SLC35F4: variants seen among roughly 807,000 people sequenced by gnomAD.
The protein encoded by SLC35F4 is chromosome 14 open reading frame 36.
In SLC35F4, 24 loss-of-function variants were observed where a neutral mutation model predicts 44.2. The ratio of observed to expected loss-of-function variants is 0.54; its 90% CI spans 0.39 to 0.76. The LOEUF is 0.76. SLC35F4 is among the 30% of genes least tolerant of loss of function. The pLI, the probability that SLC35F4 is intolerant of heterozygous loss-of-function variation, is 0.00. For missense variants in SLC35F4, 562 were observed against 586.1 expected, an observed-to-expected ratio of 0.96 and a Z score of 0.42; for synonymous variants, 238 against 223.6, an observed-to-expected ratio of 1.06 and a Z score of -0.57.
At chr14:57,756,170 T>C (rs1346747359) in intron 1 of SLC35F4, among the ~76,000 whole-genome samples, 1 of 152,250 alleles carries the variant, frequency 6.6e-6, no homozygotes, top group South Asian at 2.1e-4. Context: ...GAAGCTGAGA[T>C]CTTTGATTAA....
chr14:57,633,949 C>A (rs568252920), intron 1 of SLC35F4, among the ~76,000 whole-genome samples: 1 of 151,996 alleles, frequency 6.6e-6, no homozygotes, highest in African/African-American at 2.4e-5. Flanking sequence ...AAGGAGCCCA[C>A]ATATGAGAAT....
At chr14:57,576,468 A>G (rs2068796704) in intron 4 of SLC35F4, among the ~76,000 whole-genome samples, 1 of 152,200 alleles carries the variant, frequency 6.6e-6, no homozygotes, top group Non-Finnish European at 1.5e-5. Flanking sequence ...TTGACGAATG[A>G]GAAACATGCT....
intron 1 of SLC35F4, among the ~76,000 whole-genome samples, chr14:57,770,092 G>C (rs1288235484): frequency 6.6e-6 from 1 of 152,194 alleles, no homozygotes; most frequent in Admixed American, 6.5e-5. Context: ...TCTGTGTACA[G>C]TAGAGCAGGG....
At chr14:57,787,839 A>C (rs186496256) in intron 1 of SLC35F4, among the ~76,000 whole-genome samples, 1 of 152,320 alleles carries the variant, frequency 6.6e-6, no homozygotes, top group East Asian at 1.9e-4. Flanking sequence ...CTATAAAACA[A>C]AAATACAAGT....
chr14:57,908,011 C>G (rs1460326102), intron 1 of SLC35F4, among the ~76,000 whole-genome samples: 1 of 152,050 alleles, frequency 6.6e-6, no homozygotes, highest in Non-Finnish European at 1.5e-5. Flanking sequence ...TCTCATTGTT[C>G]AACTTCCACT....
At chr14:57,691,609 C>A (rs1475265810) in intron 1 of SLC35F4, among the ~76,000 whole-genome samples, 5 of 152,054 alleles carry the variant, frequency 3.3e-5, no homozygotes, top group African/African-American at 7.2e-5. Flanking sequence ...TATCTTGCAG[C>A]AAAATAATTT....
At chr14:57,696,758 G>A (rs2075394460) in intron 1 of SLC35F4, among the ~76,000 whole-genome samples, 1 of 152,182 alleles carries the variant, frequency 6.6e-6, no homozygotes, top group East Asian at 1.9e-4. Context: ...GAGTTCATGT[G>A]TCCTTTGCAG....
At chr14:57,955,303 A>T (rs1378064951) in intron 1 of SLC35F4, among the ~76,000 whole-genome samples, 1 of 152,170 alleles carries the variant, frequency 6.6e-6, no homozygotes, top group Non-Finnish European at 1.5e-5. Flanking sequence ...CAAAATAATA[A>T]CAGCTATTTA....
At chr14:57,972,304 C>T (rs915225598), downstream of SLC35F4, among the ~76,000 whole-genome samples, 1 of 151,954 alleles carries the variant, frequency 6.6e-6, no homozygotes, top group Non-Finnish European at 1.5e-5. Flanking sequence ...GCTCTGGAGG[C>T]TACATGGAAA....
At chr14:57,894,258 C>A (rs1234641382) in intron 1 of SLC35F4, among the ~76,000 whole-genome samples, 2 of 152,020 alleles carry the variant, frequency 1.3e-5, no homozygotes, top group Non-Finnish European at 2.9e-5. Flanking sequence ...AGCCTTGAGA[C>A]AATTCATGAC....
At chr14:57,673,408 C>A (rs544618834) in intron 1 of SLC35F4, among the ~76,000 whole-genome samples, 1 of 152,104 alleles carries the variant, frequency 6.6e-6, no homozygotes, top group Non-Finnish European at 1.5e-5. Context: ...AGTTACTTCA[C>A]CCCTGTGGGT....
At chr14:57,804,177 GA>G (rs1232015408) in intron 1 of SLC35F4, among the ~76,000 whole-genome samples, 1 of 152,126 alleles carries the variant, frequency 6.6e-6, no homozygotes, top group Non-Finnish European at 1.5e-5. Context: ...TCAATATCGT[GA>G]AAATGGCTAT....
chr14:57,679,957 T>C (rs1372013966), intron 1 of SLC35F4, among the ~76,000 whole-genome samples: 3 of 152,054 alleles, frequency 2.0e-5, no homozygotes, highest in Non-Finnish European at 4.4e-5. Flanking sequence ...AAAGAGGAGC[T>C]GGTACCATTC....
chr14:57,853,394 ATAGC>A (rs1886765545), intron 1 of SLC35F4, among the ~76,000 whole-genome samples: 2 of 152,206 alleles, frequency 1.3e-5, no homozygotes, highest in Admixed American at 1.3e-4. Flanking sequence ...TGTGAACCAA[ATAGC>A]TATTAAGTTA....
Position 57,865,909 on chromosome 14 carries a change from G to A in SLC35F4, c.-84C>T, listed in dbSNP as rs562310793. 3.2e-6 allele frequency: 3 copies of A among 934,896 alleles called. No homozygotes were observed. Among genetic ancestry groups the A allele is most frequent in the Non-Finnish European group, 4.6e-6 (3 of 658,324 alleles). The allele number at this position is 934,896 out of a possible 1,614,324, so 57.9% of individuals were successfully genotyped here. A position where few individuals can be genotyped will look rare whatever the true frequency, so the allele number is the denominator to read the frequency against. On this transcript the variant is annotated 5_prime_UTR_variant, in exon 1 of 8. Transcript: ENST00000556826. ...GGGAGCTGGTGCAGGTGCCGGAGCCGCTGGTGCTGATCTTGCAGCTCCTGC... is the reference window on the plus strand; with the variant it reads ...GGGAGCTGGTGCAGGTGCCGGAGCCACTGGTGCTGATCTTGCAGCTCCTGC...
chr14:57,932,522 C>T (rs1158991642), intron 1 of SLC35F4, among the ~76,000 whole-genome samples: 1 of 152,110 alleles, frequency 6.6e-6, no homozygotes, highest in East Asian at 1.9e-4. Flanking sequence ...TTCACTGGGA[C>T]AACAGACATA....
intron 1 of SLC35F4, among the ~76,000 whole-genome samples, chr14:57,844,198 A>T (rs1885771181): frequency 6.6e-6 from 1 of 152,226 alleles, no homozygotes; most frequent in Non-Finnish European, 1.5e-5. Flanking sequence ...GGCCCAGCTA[A>T]TGTCAGAAAT....
chr14:57,896,428 G>A (rs747604010), intron 1 of SLC35F4, among the ~76,000 whole-genome samples: 63 of 152,104 alleles, frequency 4.1e-4, no homozygotes, highest in Non-Finnish European at 4.7e-4. Flanking sequence ...ATCAAAATGC[G>A]TTTTCATTGG....
chr14:57,637,984 T>C (rs1258643328), intron 1 of SLC35F4, among the ~76,000 whole-genome samples: 2 of 152,082 alleles, frequency 1.3e-5, no homozygotes, highest in African/African-American at 2.4e-5. Flanking sequence ...AATGCACTCT[T>C]TGTGATAATA....
Sources: allele counts gnomAD v4.1 joint callset (sites outside exome capture counted in the v4.1 genomes callset), GRCh38; gene constraint gnomAD v4.1.1; transcripts MANE v1.5; gene names NCBI Gene and HGNC (gene_info 2026-07-23, HGNC 2026-07-21).